Variants in GTPBP6 observed in about 807,000 individuals in gnomAD.
GTPBP6 encodes the protein putative GTP-binding protein 6.
Under a neutral mutation model 28.9 loss-of-function variants are expected in GTPBP6, and 33 were observed. That is an observed-to-expected ratio of 1.14 (90% CI 0.87 to 1.53). GTPBP6 has a LOEUF of 1.53. GTPBP6 is among the 40% of genes most tolerant of loss of function. GTPBP6 has a pLI of 0.00. For synonymous variants in GTPBP6, 231 were observed against 192.7 expected, an observed-to-expected ratio of 1.20 and a Z score of -1.65; for missense variants, 507 against 408.3, an observed-to-expected ratio of 1.24 and a Z score of -2.08.
At chrX:312,410 G>A (rs755596348) in intron 6 of GTPBP6, 1 of 518,438 alleles carries the variant, frequency 1.9e-6, no homozygotes, top group Admixed American at 2.3e-5. Context: ...AGACAGGGTG[G>A]TGGTATAGAT....
rs1375922975 is a variant in GTPBP6, at chrX:318,592, T to C, written c.196A>G (p.Thr66Ala). The C allele has an allele frequency of 3.8e-5, 15 of 397,870 alleles. No homozygotes were observed. The South Asian group carries it at 3.8e-4, about 10-fold the overall frequency. The allele number at this position is 397,870 out of a possible 1,614,324, so 24.6% of individuals were successfully genotyped here. The change falls in exon 1 of 10, where the codon ACG (threonine) becomes GCG (alanine). Residue 66 changes from threonine (T) to alanine (A), a missense_variant. Coordinates refer to ENST00000326153, the Ensembl canonical transcript of GTPBP6. Reference sequence around the variant, plus strand: ...TCCGGCTCCTCCTCGTCGTCTCCCGTGCGGCTTCGGCCGCCGTCCGCCCGC... The same window carrying C: ...TCCGGCTCCTCCTCGTCGTCTCCCGCGCGGCTTCGGCCGCCGTCCGCCCGC...
exon 6 of GTPBP6, chrX:312,878 C>T: frequency 6.2e-7 from 1 of 1,612,818 alleles, no homozygotes; most frequent in Non-Finnish European, 8.5e-7. Context: ...TGATCTTGGC[C>T]TCCTTCTCTC....
At chrX:318,655 C>T (rs1384750038) in exon 1 of GTPBP6, 32 of 397,134 alleles carry the variant, frequency 8.1e-5, no homozygotes, top group African/African-American at 6.0e-4. Context: ...TCCAGATTCC[C>T]GGGGCTCCTG....
exon 10 of GTPBP6, chrX:305,041 GC>G (rs1569344324): frequency 6.2e-7 from 1 of 1,608,480 alleles, no homozygotes; most frequent in South Asian, 1.1e-5. Flanking sequence ...AGGCAGCGAT[GC>G]CCCCACCCCG....
At position 318,302 on chromosome X, in the gene GTPBP6, G is replaced by A. The variant is rs1169443741; in HGVS notation, c.349+137C>T. The stretch of plus-strand genomic sequence containing the variant: ...TATGAGATTCTCCCCACAGAACCCC[G>A]CCCCTGAATCTCCACCTATGAGATC... On this transcript the variant is annotated intron_variant, in intron 1 of 9. Transcript: ENST00000326153. The A allele has an allele frequency of 1.5e-3, 563 of 364,548 alleles. 1 individual carries two copies. The highest frequency in any genetic ancestry group is 5.3e-3 in the African/African-American group (195 of 36,806). The allele number at this position is 364,548 out of a possible 1,614,324, so 22.6% of individuals were successfully genotyped here.
At chrX:308,864 T>A (rs377115959) in intron 7 of GTPBP6, among the ~76,000 whole-genome samples, 1 of 150,214 alleles carries the variant, frequency 6.7e-6, no homozygotes, top group African/African-American at 2.5e-5. Flanking sequence ...CTCTCTTGAG[T>A]AGCTGGGACT....
chrX:311,716 G>A (rs1055325248), intron 6 of GTPBP6, 89 bp from the exon 7 acceptor site: 3 of 1,099,110 alleles, frequency 2.7e-6, no homozygotes, highest in Non-Finnish European at 2.8e-6. Context: ...GGAGACCACG[G>A]CACCCTCTGG....
At chrX:314,255 G>T (rs372885238) in intron 4 of GTPBP6, 38 bp from the exon 5 acceptor site, 5 of 1,534,140 alleles carry the variant, frequency 3.3e-6, no homozygotes, top group Non-Finnish European at 4.5e-6. Context: ...CTCTGCGGAC[G>T]CTGTCTCCCT....
exon 2 of GTPBP6, chrX:317,019 C>G: frequency 5.0e-6 from 2 of 398,622 alleles, no homozygotes; most frequent in Non-Finnish European, 8.8e-6. Context: ...AGCGTGTGCA[C>G]CAGCGCTGTG....
exon 1 of GTPBP6, chrX:318,500 C>G (rs1373965538): frequency 5.0e-6 from 2 of 398,376 alleles, no homozygotes; most frequent in African/African-American, 4.1e-5. Flanking sequence ...GACACACGCG[C>G]TGGGTCCCCG....
intron 3 of GTPBP6, 76 bp from the exon 4 acceptor site, chrX:315,096 C>T (rs1171824037): frequency 4.3e-5 from 17 of 398,738 alleles, no homozygotes; most frequent in African/African-American, 1.8e-4. Context: ...GGAAGGAGGA[C>T]GTCTCTAATG....
chrX:314,962 T>G, exon 4 of GTPBP6: 1 of 398,700 alleles, frequency 2.5e-6, no homozygotes, highest in Non-Finnish European at 4.4e-6. Flanking sequence ...GCGGAAGATG[T>G]GCAGGACGAC....
intron 6 of GTPBP6, 48 bp downstream of exon 6, chrX:312,718 C>A: frequency 9.0e-7 from 1 of 1,113,486 alleles, no homozygotes; most frequent in Non-Finnish European, 1.2e-6. Flanking sequence ...GAGTCCTCAC[C>A]GGTGACACGG....
intron 2 of GTPBP6, among the ~76,000 whole-genome samples, chrX:316,539 C>G (rs1462630432): frequency 1.1e-4 from 17 of 152,130 alleles, no homozygotes; most frequent in African/African-American, 4.1e-4. Context: ...GGATCGCATG[C>G]TGGACCCCAC....
intron 4 of GTPBP6, among the ~76,000 whole-genome samples, chrX:314,541 C>T (rs949111223): frequency 2.8e-4 from 42 of 151,658 alleles, no homozygotes; most frequent in African/African-American, 6.8e-4. Flanking sequence ...GGCGTGATCT[C>T]GGCTCACTGC....
chrX:309,616 A>G (rs2070243229), intron 7 of GTPBP6, among the ~76,000 whole-genome samples: 4 of 151,448 alleles, frequency 2.6e-5, no homozygotes, highest in African/African-American at 7.3e-5. Context: ...ACACAGACAC[A>G]GAGAAGGCCA....
intron 6 of GTPBP6, 44 bp downstream of exon 6, chrX:312,722 G>GTACCGC (rs376744795): frequency 6.3e-7 from 1 of 1,592,712 alleles, no homozygotes; most frequent in African/African-American, 1.4e-5. Context: ...CCTCACCGGT[G>GTACCGC]ACACGGAGAC....
intron 9 of GTPBP6, among the ~76,000 whole-genome samples, chrX:306,271 C>CA (rs763788837): frequency 2.7e-5 from 4 of 146,940 alleles, no homozygotes; most frequent in Admixed American, 1.3e-4. Context: ...TTTTGACTGT[C>CA]AGCACAGATT....
chrX:306,847 C>CA (rs2070178688), intron 9 of GTPBP6, among the ~76,000 whole-genome samples: 1 of 147,834 alleles, frequency 6.8e-6, no homozygotes, highest in Non-Finnish European at 1.5e-5. Context: ...TTTTGAGTGT[C>CA]AGCACAGATT....
Sources: gnomAD v4.1 joint callset for allele counts (sites outside exome capture counted in the v4.1 genomes callset) on GRCh38, gnomAD v4.1.1 for gene constraint, MANE v1.5 for transcripts, NCBI Gene and HGNC (gene_info 2026-07-23, HGNC 2026-07-21) for gene names.